IPCEF1: variants seen among roughly 807,000 people sequenced by gnomAD.
The protein encoded by IPCEF1 is interactor protein for cytohesin exchange factors 1.
IPCEF1 carries 31 observed loss-of-function variants against 50.9 expected under a neutral mutation model. The ratio of observed to expected loss-of-function variants is 0.61; its 90% confidence interval spans 0.46 to 0.82. The LOEUF is 0.82. Ranked by LOEUF, IPCEF1 falls within the 40% of genes least tolerant of loss-of-function variation. The pLI is 0.00. For synonymous variants in IPCEF1, 181 were observed against 192.0 expected (o/e 0.94, Z 0.47); for missense variants, 458 against 514.0 (o/e 0.89, Z 1.05).
At chr6:154,347,205 G>A (rs114218512) in intron 1 of IPCEF1, among the ~76,000 whole-genome samples, 60 of 152,320 alleles carry the variant, frequency 3.9e-4, no homozygotes, top group African/African-American at 1.4e-3. Context: ...CCAAAAATAA[G>A]AAATTATGTA....
intron 1 of IPCEF1, among the ~76,000 whole-genome samples, chr6:154,353,383 A>C (rs973618058): frequency 2.1e-5 from 3 of 140,880 alleles, no homozygotes; most frequent in African/African-American, 5.4e-5. Flanking sequence ...CGCCTCCCGG[A>C]TTCAAGTGGT....
Position 154,199,924 on chromosome 6 carries a change from C to G in IPCEF1, c.654G>C (p.Glu218Asp). ...PSSFPSSLSKERQSLPDTVNS... is the reference protein window; with the variant it reads ...PSSFPSSLSKDRQSLPDTVNS... ...TAACTGTGTCAGGCAAGGATTGTCT[C>G]TCTTTAGATAAGGAGGAAGGAAAAC... is the stretch of plus-strand genomic sequence containing the variant. The change falls in exon 10 of 12, where the codon GAG becomes GAC. Residue 218 changes from glutamate to aspartate, a missense_variant. Glu to Asp is a conservative substitution (Grantham distance 45). Coordinates refer to ENST00000367220, the MANE Select transcript of IPCEF1 (RefSeq NM_001130700.2). The G allele has an allele frequency of 6.2e-7, 1 of 1,614,170 alleles. No individual in the cohort carries two copies. Among genetic ancestry groups the G allele is most frequent in the South Asian group, 1.1e-5 (1 of 91,084 alleles).
chr6:154,188,510 G>A (rs1366083915), intron 10 of IPCEF1, among the ~76,000 whole-genome samples: 1 of 152,250 alleles, frequency 6.6e-6, no homozygotes, highest in African/African-American at 2.4e-5. Flanking sequence ...GCATGTGTGT[G>A]TATGTGTGGG....
chr6:154,175,762 A>C (rs945971537), intron 10 of IPCEF1, among the ~76,000 whole-genome samples: 11 of 152,240 alleles, frequency 7.2e-5, no homozygotes, highest in African/African-American at 2.7e-4. Context: ...AGCTGGTACC[A>C]TTCCTTCTGA....
intron 1 of IPCEF1, among the ~76,000 whole-genome samples, chr6:154,317,767 G>T (rs753404959): frequency 1.3e-5 from 2 of 149,242 alleles, no homozygotes; most frequent in African/African-American, 5.1e-5. Flanking sequence ...AGCTACAACC[G>T]GTTTTTTTTT....
chr6:154,319,508 A>G (rs916446251), intron 1 of IPCEF1, among the ~76,000 whole-genome samples: 3 of 152,214 alleles, frequency 2.0e-5, no homozygotes, highest in Admixed American at 6.5e-5. Flanking sequence ...TTTCCACATA[A>G]AGAAAACAGA....
At chr6:154,350,257 T>G (rs947699598) in intron 1 of IPCEF1, among the ~76,000 whole-genome samples, 5 of 152,224 alleles carry the variant, frequency 3.3e-5, no homozygotes, top group African/African-American at 7.2e-5. Context: ...TATTTGAACT[T>G]TTATTTCAAT....
At chr6:154,239,349 G>A (rs1238027020) in intron 5 of IPCEF1, among the ~76,000 whole-genome samples, 3 of 152,110 alleles carry the variant, frequency 2.0e-5, no homozygotes. Context: ...GAAAATAATT[G>A]TTAGAACACA....
intron 5 of IPCEF1, among the ~76,000 whole-genome samples, chr6:154,245,390 G>A (rs1441260233): frequency 6.6e-6 from 1 of 152,162 alleles, no homozygotes; most frequent in African/African-American, 2.4e-5. Flanking sequence ...CAGCAGAGAG[G>A]AGAGTGCTTA....
chr6:154,165,338 C>T (rs1395869970), intron 11 of IPCEF1, among the ~76,000 whole-genome samples: 1 of 152,198 alleles, frequency 6.6e-6, no homozygotes, highest in Non-Finnish European at 1.5e-5. Flanking sequence ...CTCTTGACTG[C>T]TTTGAATTTT....
intron 5 of IPCEF1, among the ~76,000 whole-genome samples, chr6:154,236,803 G>C (rs1470172886): frequency 3.3e-5 from 5 of 152,116 alleles, no homozygotes; most frequent in African/African-American, 1.2e-4. Context: ...CTCAGCATCA[G>C]GGTAGAATCA....
intron 1 of IPCEF1, among the ~76,000 whole-genome samples, chr6:154,350,325 A>G (rs1158887340): frequency 1.3e-5 from 2 of 152,242 alleles, no homozygotes; most frequent in African/African-American, 2.4e-5. Context: ...CATATCTAAC[A>G]AGTAACCAAA....
chr6:154,196,599 G>A (rs1776642072), intron 10 of IPCEF1, among the ~76,000 whole-genome samples: 1 of 152,170 alleles, frequency 6.6e-6, no homozygotes, highest in South Asian at 2.1e-4. Context: ...CACATTGTCA[G>A]CAGGTAGTGT....
At chr6:154,291,874 G>A (rs531699715) in intron 1 of IPCEF1, among the ~76,000 whole-genome samples, 4 of 151,834 alleles carry the variant, frequency 2.6e-5, no homozygotes, top group East Asian at 3.9e-4. Flanking sequence ...TAGTAGAGAC[G>A]GGGTTTCACC....
chr6:154,242,075 T>G (rs1780643559), intron 5 of IPCEF1, among the ~76,000 whole-genome samples: 1 of 152,234 alleles, frequency 6.6e-6, no homozygotes, highest in African/African-American at 2.4e-5. Context: ...AAAATCTATC[T>G]TGCTCGGCTA....
chr6:154,241,161 G>T (rs368757102), intron 5 of IPCEF1, among the ~76,000 whole-genome samples: 1 of 151,162 alleles, frequency 6.6e-6, no homozygotes, highest in Admixed American at 6.6e-5. Context: ...GCTTGAACCC[G>T]GGAGGCGGAG....
intron 10 of IPCEF1, among the ~76,000 whole-genome samples, chr6:154,196,139 T>C (rs1776609711): frequency 1.3e-5 from 2 of 152,148 alleles, no homozygotes; most frequent in East Asian, 1.9e-4. Flanking sequence ...TCAGCACATG[T>C]ATGTTAGGTA....
Position 154,321,778 on chromosome 6 carries a change from TAAAAAA to T in IPCEF1, c.-61-32028_-61-32023del, listed in dbSNP as rs61648946. Among the ~76,000 whole-genome samples, 132 of 51,932 alleles carry T rather than the reference TAAAAAA, an allele frequency of 2.5e-3. 1 individual carries two copies. The highest frequency in any genetic ancestry group is 4.7e-3 in the Non-Finnish European group (113 of 23,958). The allele number at this position is 51,932 out of a possible 152,430, so 34.1% of individuals were successfully genotyped here. A position where few individuals can be genotyped will look rare whatever the true frequency, so the allele number is the denominator to read the frequency against. On this transcript the variant is annotated intron_variant, in intron 1 of 11. Coordinates refer to ENST00000367220, the MANE Select transcript of IPCEF1 (RefSeq NM_001130700.2). ...CTGGGTGACAGAGAGAGACTCTTTC[TAAAAAA>T]AAAAAAAAAAAAAAAAAAAAAACCA... is the stretch of plus-strand genomic sequence containing the variant.
At chr6:154,161,964 A>AC (rs1457248676) in intron 11 of IPCEF1, among the ~76,000 whole-genome samples, 1 of 151,518 alleles carries the variant, frequency 6.6e-6, no homozygotes, top group Non-Finnish European at 1.5e-5. Flanking sequence ...CTCATCTCAA[A>AC]CCCCCTCTCT....
Sources: gnomAD v4.1 joint callset for allele counts (sites outside exome capture counted in the v4.1 genomes callset) on GRCh38, gnomAD v4.1.1 for gene constraint, MANE v1.5 for transcripts, NCBI Gene and HGNC (gene_info 2026-07-23, HGNC 2026-07-21) for gene names.